CLEC16A: variants seen among roughly 807,000 people sequenced by gnomAD.
CLEC16A encodes C-type lectin domain containing 16A.
CLEC16A carries 51 observed loss-of-function variants against 109.5 expected under a neutral mutation model. The observed-to-expected ratio is 0.47, with a 90% CI of 0.37 to 0.59. The LOEUF (loss-of-function observed/expected upper bound fraction) is 0.59, where lower values mean the gene tolerates loss of function less well. Ranked by LOEUF, CLEC16A falls within the 20% of genes least tolerant of loss-of-function variation. The pLI, the probability that CLEC16A is intolerant of heterozygous loss-of-function variation, is 0.00. For missense variants in CLEC16A, 1,339 were observed against 1,394.0 expected (o/e 0.96, Z 0.63); for synonymous variants, 673 against 564.2 (o/e 1.19, Z -2.73).
chr16:11,028,022 G>T lies in CLEC16A; in HGVS notation c.1537+3101G>T, dbSNP rs557442357. On this transcript the variant is annotated intron_variant, in intron 13 of 23. Transcript: ENST00000409790. ...TCGAGACCAGCCTGACCAACATGGA[G>T]AAATGCCATCTCTACTAAAAATAAA... 2.8e-4 allele frequency among the ~76,000 whole-genome samples: 43 copies of T among 152,314 alleles called. No homozygotes were observed. In the East Asian group the frequency reaches 7.5e-3, roughly 27 times the overall value.
At chr16:11,094,794 G>T (rs774583539) in intron 19 of CLEC16A, among the ~76,000 whole-genome samples, 1 of 152,180 alleles carries the variant, frequency 6.6e-6, no homozygotes, top group Non-Finnish European at 1.5e-5. Flanking sequence ...TGAATTTTAC[G>T]TGAATCACAT....
intron 19 of CLEC16A, among the ~76,000 whole-genome samples, chr16:11,107,566 T>C (rs2051299106): frequency 6.6e-6 from 1 of 152,122 alleles, no homozygotes; most frequent in South Asian, 2.1e-4. Flanking sequence ...TCTCAGCCCT[T>C]CTTTTGTCTT....
rs201715990 is a variant in CLEC16A, at chr16:10,977,230, G to A, written c.734G>A (p.Arg245Gln). Residue 245 changes from arginine to glutamine, a missense_variant, in exon 8 of 24, where the codon CGG becomes CAG. Around this residue, in one of 3 missense-constraint regions of CLEC16A, gnomAD observed 161 missense variants for 267.1 expected, o/e 0.60. Coordinates refer to ENST00000409790, the MANE Select transcript of CLEC16A (RefSeq NM_015226.3). ...GTGGTCATTTCTCCTGGCAGGCATC[G>A]GAATCGGGGTAAACTGAGTGATCTG... is the stretch of plus-strand genomic sequence containing the variant. ...DDCVQTDEEH[R>Q]NRGKLSDLVA... The A allele has an allele frequency of 1.2e-5, 20 of 1,613,408 alleles. No individual in the cohort carries two copies. Among genetic ancestry groups the A allele is most frequent in the Admixed American group, 5.0e-5 (3 of 59,982 alleles).
intron 13 of CLEC16A, chr16:11,027,176 A>G: frequency 7.2e-7 from 1 of 1,389,118 alleles, no homozygotes; most frequent in Non-Finnish European, 1.0e-6. Context: ...GGTTTAAGCT[A>G]CTGGAATCAT....
At chr16:11,145,832 C>T (rs34361212) in intron 22 of CLEC16A, among the ~76,000 whole-genome samples, 1 of 152,126 alleles carries the variant, frequency 6.6e-6, no homozygotes, top group East Asian at 1.9e-4. Flanking sequence ...TGAGTCGGGT[C>T]AAGTGTCTCC....
rs562347661 is a variant in CLEC16A at position 11,094,332 on chromosome 16, C to T, written c.2117-26283C>T. 1.5e-4 allele frequency among the ~76,000 whole-genome samples: 23 copies of T among 152,242 alleles called. No homozygotes were observed. The South Asian group carries it at 4.4e-3, about 29-fold the overall frequency. On this transcript the variant is annotated intron_variant, in intron 19 of 23. Transcript: ENST00000409790. The stretch of plus-strand genomic sequence containing the variant: ...AGCTCTGCGCCTGTCCTGGGCAGGC[C>T]GAGCCTGATAAGTTTCCAGCCCTAA...
At chr16:10,947,525 C>T (rs886456833) in intron 1 of CLEC16A, among the ~76,000 whole-genome samples, 4 of 152,140 alleles carry the variant, frequency 2.6e-5, no homozygotes, top group Non-Finnish European at 5.9e-5. Context: ...GCAGCAGGGG[C>T]GGGAGGCGGA....
chr16:11,023,886 C>G (rs556305207), intron 12 of CLEC16A, among the ~76,000 whole-genome samples: 1 of 152,228 alleles, frequency 6.6e-6, no homozygotes, highest in Non-Finnish European at 1.5e-5. Context: ...ATCAGAGCCT[C>G]TGGCCTGTGG....
At chr16:11,011,232 G>A (rs894382292) in intron 11 of CLEC16A, among the ~76,000 whole-genome samples, 5 of 152,138 alleles carry the variant, frequency 3.3e-5, no homozygotes, top group African/African-American at 9.7e-5. Context: ...AGTCACTATC[G>A]TAATGGGCAG....
intron 5 of CLEC16A, among the ~76,000 whole-genome samples, chr16:10,972,224 G>T (rs2042823935): frequency 6.6e-6 from 1 of 152,244 alleles, no homozygotes; most frequent in African/African-American, 2.4e-5. Context: ...AAGGCCCACA[G>T]TCCTGCAGTT....
At chr16:10,990,161 TC>T (rs2043917673) in intron 10 of CLEC16A, among the ~76,000 whole-genome samples, 1 of 152,184 alleles carries the variant, frequency 6.6e-6, no homozygotes, top group Non-Finnish European at 1.5e-5. Flanking sequence ...TTGCAGACAT[TC>T]CCACAAGGGA....
chr16:11,019,012 T>G (rs2045932913), intron 11 of CLEC16A, among the ~76,000 whole-genome samples: 1 of 152,066 alleles, frequency 6.6e-6, no homozygotes, highest in African/African-American at 2.4e-5. Context: ...GCAGAAGAGG[T>G]GGCAGACGTC....
At chr16:11,096,671 C>G (rs1321146569) in intron 19 of CLEC16A, among the ~76,000 whole-genome samples, 1 of 152,200 alleles carries the variant, frequency 6.6e-6, no homozygotes, top group African/African-American at 2.4e-5. Flanking sequence ...TAATTTTTCA[C>G]TCCAGGCCTT....
At chr16:11,073,664 C>T (rs1006579018) in intron 19 of CLEC16A, among the ~76,000 whole-genome samples, 1 of 152,218 alleles carries the variant, frequency 6.6e-6, no homozygotes, top group Non-Finnish European at 1.5e-5. Context: ...CTGGACACAG[C>T]CTGCCTGCCC....
chr16:11,114,128 CGTGTGTGTGTGT>C (rs3030600), intron 19 of CLEC16A, among the ~76,000 whole-genome samples: 2,459 of 127,316 alleles, frequency 0.019, 30 homozygotes, highest in Admixed American at 0.044. Flanking sequence ...TGAGGATGGC[CGTGTGTGTGTGT>C]GTGTGTGTGT....
chr16:11,054,948 T>TTTC (rs1555471251), intron 18 of CLEC16A, among the ~76,000 whole-genome samples: 35 of 150,540 alleles, frequency 2.3e-4, no homozygotes, highest in East Asian at 1.2e-3. Context: ...TTTTTTTTTT[T>TTTC]TCCACCAAGT....
intron 19 of CLEC16A, among the ~76,000 whole-genome samples, chr16:11,071,583 A>C (rs1309069727): frequency 1.3e-5 from 2 of 150,260 alleles, no homozygotes; most frequent in African/African-American, 2.5e-5. Flanking sequence ...AATATAATTG[A>C]GGTCAATATT....
At chr16:11,041,844 C>T (rs367794341) in intron 14 of CLEC16A, 5 of 161,970 alleles carry the variant, frequency 3.1e-5, no homozygotes, top group African/African-American at 4.8e-5. Flanking sequence ...ATATGGAGCA[C>T]CCCAACTGGC....
intron 11 of CLEC16A, among the ~76,000 whole-genome samples, chr16:11,007,197 G>T (rs2045077945): frequency 6.6e-6 from 1 of 152,142 alleles, no homozygotes; most frequent in Admixed American, 6.5e-5. Context: ...CACCTTCAAA[G>T]CCTACTCATT....
Sources: gnomAD v4.1 joint callset for allele counts (sites outside exome capture counted in the v4.1 genomes callset) on GRCh38, gnomAD v4.1.1 for gene constraint, gnomAD v4.1.1 regional missense constraint, MANE v1.5 for transcripts, NCBI Gene and HGNC (gene_info 2026-07-23, HGNC 2026-07-21) for gene names.